The following VPS13D variants were observed in gnomAD, a reference collection of about 807,000 sequenced individuals.
VPS13D encodes vacuolar protein sorting 13 homolog D.
A neutral mutation model predicts 461.9 loss-of-function variants in VPS13D; 187 were observed. The ratio of observed to expected loss-of-function variants is 0.40; its 90% CI spans 0.36 to 0.46. The LOEUF is 0.46. Ranked by LOEUF, VPS13D falls within the 20% of genes least tolerant of loss-of-function variation. VPS13D has a pLI of 0.60. For synonymous variants in VPS13D, 1,951 were observed against 1,986.3 expected, an observed-to-expected ratio of 0.98 and a Z score of 0.47; for missense variants, 4,711 against 5,364.9, an observed-to-expected ratio of 0.88 and a Z score of 3.81.
intron 67 of VPS13D, among the ~76,000 whole-genome samples, chr1:12,494,900 G>C (rs1645935947): frequency 6.6e-6 from 1 of 152,164 alleles, no homozygotes; most frequent in South Asian, 2.1e-4. Flanking sequence ...TTCCTGTTTA[G>C]CTCAATTAAT....
Position 12,244,330 on chromosome 1 carries a change from T to G in VPS13D, c.260T>G (p.Leu87Ter). The G allele has an allele frequency of 6.2e-7, 1 of 1,614,142 alleles. No individual in the cohort carries two copies. Among genetic ancestry groups the G allele is most frequent in the Non-Finnish European group, 8.5e-7 (1 of 1,180,028 alleles). ...PWVISISSLH[L>*]IGAPEKIQDF... ...GTGATCTCCATCTCCAGCCTTCACT[T>G]AATTGGAGCCCCAGAGAAAATACAG... is the stretch of plus-strand genomic sequence containing the variant. The change falls in exon 4 of 70, where the codon TTA becomes TGA. Residue 87 changes from leucine (L) to a stop codon, truncating the protein, a stop_gained. Coordinates refer to ENST00000620676, the MANE Select transcript of VPS13D (RefSeq NM_015378.4). LOFTEE classifies it high-confidence loss of function.
chr1:12,268,117 T>A (rs546201361), intron 15 of VPS13D, among the ~76,000 whole-genome samples, 197 bp downstream of exon 15: 2 of 152,024 alleles, frequency 1.3e-5, no homozygotes, highest in East Asian at 3.9e-4. Flanking sequence ...GTCTGGGTAA[T>A]TTTAGTATAT....
At chr1:12,417,007 T>C (rs1644802104) in intron 65 of VPS13D, among the ~76,000 whole-genome samples, 180 bp downstream of exon 65, 2 of 152,244 alleles carry the variant, frequency 1.3e-5, no homozygotes, top group East Asian at 1.9e-4. Context: ...TGAGTCCACC[T>C]CTGAAATACC....
At chr1:12,234,624 G>C (rs1308981170) in intron 2 of VPS13D, among the ~76,000 whole-genome samples, 1 of 152,178 alleles carries the variant, frequency 6.6e-6, no homozygotes, top group Admixed American at 6.5e-5. Flanking sequence ...CTTAGTCCCA[G>C]TTAACTTTTA....
At chr1:12,294,593 T>C (rs1642222373) in intron 24 of VPS13D, among the ~76,000 whole-genome samples, 3 of 151,808 alleles carry the variant, frequency 2.0e-5, no homozygotes. Context: ...GGCGGGCAGA[T>C]CACGAGGTCC....
At chr1:12,452,499 C>T (rs1645275376) in intron 65 of VPS13D, among the ~76,000 whole-genome samples, 1 of 152,210 alleles carries the variant, frequency 6.6e-6, no homozygotes, top group Non-Finnish European at 1.5e-5. Flanking sequence ...CCCTCCACAG[C>T]CCACTTGTTT....
In VPS13D at chr1:12,343,192, G is replaced by A. The variant is rs530677310; in HGVS notation, c.8885+141G>A. On this transcript the variant is annotated intron_variant, in intron 42 of 69. Coordinates refer to ENST00000620676, the MANE Select transcript of VPS13D (RefSeq NM_015378.4). ...TTATCTTATTTTATTTTATTTTTGA[G>A]ACAGGGTCTTCTTGCTCTGTTGCCC... is the stretch of plus-strand genomic sequence containing the variant. 89 of 696,136 alleles carry A rather than the reference G, an allele frequency of 1.3e-4. 1 individual carries two copies. In the East Asian group the frequency reaches 4.1e-3, roughly 32 times the overall value. 43.1% of individuals were successfully genotyped at this position (696,136 alleles called of 1,614,324 possible). A position where few individuals can be genotyped will look rare whatever the true frequency, so the allele number is the denominator to read the frequency against.
intron 49 of VPS13D, among the ~76,000 whole-genome samples, 168 bp downstream of exon 49, chr1:12,356,692 A>G (rs566677156): frequency 9.2e-5 from 14 of 152,348 alleles, no homozygotes; most frequent in South Asian, 4.1e-4. Context: ...TCTAATTTCT[A>G]TGTTATTTGA....
rs372193507 is a variant in VPS13D, at chr1:12,383,071, A to G, written c.11286A>G (p.Gln3762=). The G allele has an allele frequency of 5.6e-6, 9 of 1,614,080 alleles. No individual in the cohort carries two copies. Among genetic ancestry groups the G allele is most frequent in the Non-Finnish European group, 7.6e-6 (9 of 1,180,032 alleles). The change falls in exon 58 of 70, where the codon CAA becomes CAG. Residue 3762 remains glutamine (Q), a synonymous_variant. Coordinates refer to ENST00000620676, the MANE Select transcript of VPS13D (RefSeq NM_015378.4). ...MELLGPVPPE[Q]QFINQKMRPG... ...TTTTGGGGCCAGTTCCACCTGAACA[A>G]CAATTTATTAATCAAAAAATGAGAC... is the stretch of plus-strand genomic sequence containing the variant.
intron 13 of VPS13D, 126 bp downstream of exon 13, chr1:12,262,206 G>A (rs772949287): frequency 1.2e-5 from 12 of 1,018,986 alleles, no homozygotes; most frequent in Non-Finnish European, 1.4e-5. Context: ...AGCTAATGTG[G>A]AACCATTGCT....
chr1:12,310,798 TCCCTCCCTCCCTCCCTCCCTCCTTCCC>T (rs1642717527), intron 27 of VPS13D, among the ~76,000 whole-genome samples: 1 of 106,016 alleles, frequency 9.4e-6, no homozygotes, highest in Admixed American at 9.5e-5. Flanking sequence ...CTTCCTTCCC[TCCCTCCCTCCCTCCCTCCCTCCTTCCC>T]TCCTTCCTTC....
chr1:12,275,916 T>C lies in VPS13D; in HGVS notation c.2328T>C (p.Pro776=), dbSNP rs764123512. The change falls in exon 19 of 70, where the codon CCT becomes CCC. Residue 776 remains proline (P), a synonymous_variant. Transcript: ENST00000620676. ...DEYKTPLATP[P]NTPPPESSSS... The stretch of plus-strand genomic sequence containing the variant: ...ATAAGACCCCCCTGGCCACACCTCC[T>C]AACACCCCACCTCCCGAGTCAAGCA... 10 of 1,613,900 alleles carry C rather than the reference T, an allele frequency of 6.2e-6. No homozygotes were observed. The South Asian group carries it at 9.9e-5, about 16-fold the overall frequency.
intron 56 of VPS13D, 62 bp downstream of exon 56, chr1:12,378,653 TCTA>T: frequency 2.8e-6 from 4 of 1,425,312 alleles, no homozygotes; most frequent in Non-Finnish European, 3.7e-6. Flanking sequence ...TCAGAGGAAA[TCTA>T]CAACAAAAAC....
chr1:12,335,215 C>T (rs978118868), intron 38 of VPS13D, among the ~76,000 whole-genome samples: 8 of 152,208 alleles, frequency 5.3e-5, no homozygotes, highest in Admixed American at 1.3e-4. Context: ...TACAGGTGCA[C>T]GCCACCACGC....
intron 21 of VPS13D, among the ~76,000 whole-genome samples, chr1:12,287,462 G>T (rs1465321071): frequency 1.3e-5 from 2 of 152,118 alleles, no homozygotes; most frequent in Admixed American, 6.5e-5. Context: ...TGAAGGCATG[G>T]TCCTTGCTGT....
At chr1:12,406,297 A>G (rs927216524) in intron 63 of VPS13D, among the ~76,000 whole-genome samples, 2 of 151,816 alleles carry the variant, frequency 1.3e-5, no homozygotes, top group Non-Finnish European at 2.9e-5. Flanking sequence ...ACAGAGTAAT[A>G]TGCCTTTATT....
intron 63 of VPS13D, among the ~76,000 whole-genome samples, chr1:12,411,172 G>C (rs12125362): frequency 0.89 from 135,566 of 152,250 alleles, 60,826 homozygotes; most frequent in African/African-American, 0.93. Context: ...AAAATAAAAA[G>C]TTCGTTATTT....
intron 65 of VPS13D, among the ~76,000 whole-genome samples, chr1:12,427,556 C>T (rs1418577498): frequency 6.6e-6 from 1 of 151,904 alleles, no homozygotes; most frequent in African/African-American, 2.4e-5. Flanking sequence ...TTCCCTAAAG[C>T]ATACAGGATA....
chr1:12,377,553 C>G (rs1326635794), intron 55 of VPS13D, among the ~76,000 whole-genome samples: 1 of 151,904 alleles, frequency 6.6e-6, no homozygotes, highest in Non-Finnish European at 1.5e-5. Context: ...GGCACGGTAG[C>G]TCATGCCTTT....
Sources: allele counts gnomAD v4.1 joint callset (sites outside exome capture counted in the v4.1 genomes callset), GRCh38; gene constraint gnomAD v4.1.1; transcripts MANE v1.5; gene names NCBI Gene and HGNC (gene_info 2026-07-23, HGNC 2026-07-21).